The following BCAS3 variants were observed in gnomAD, a reference collection of about 807,000 sequenced individuals.
The protein encoded by BCAS3 is BCAS4/BCAS3 fusion.
A neutral mutation model predicts 116.1 loss-of-function variants in BCAS3; 53 were observed. The observed-to-expected ratio is 0.46, with a 90% CI of 0.37 to 0.57. The LOEUF is 0.57. Among genes scored for constraint, BCAS3 ranks in the 20% least tolerant of loss-of-function variants. The pLI is 0.00. For synonymous variants in BCAS3, 391 were observed against 408.2 expected (o/e 0.96, Z 0.51); for missense variants, 917 against 1,165.4 (o/e 0.79, Z 3.10).
intron 19 of BCAS3, among the ~76,000 whole-genome samples, chr17:61,067,740 A>AATATATATAT (rs1334028912): frequency 8.2e-5 from 11 of 133,740 alleles, no homozygotes; most frequent in African/African-American, 3.6e-4. Flanking sequence ...AAAAAAAAAA[A>AATATATATAT]ATATATATAT....
intron 7 of BCAS3, among the ~76,000 whole-genome samples, chr17:60,844,550 G>A (rs898821667): frequency 5.3e-5 from 8 of 152,094 alleles, no homozygotes; most frequent in African/African-American, 1.9e-4. Context: ...TGTCTCTGTA[G>A]AAGTAGAGTT....
At chr17:60,966,641 T>C (rs2061677039) in intron 14 of BCAS3, among the ~76,000 whole-genome samples, 1 of 151,268 alleles carries the variant, frequency 6.6e-6, no homozygotes, top group African/African-American at 2.4e-5. Flanking sequence ...AAAAAATTTA[T>C]ACTTTTACTC....
chr17:61,366,510 T>G lies in BCAS3; in HGVS notation c.2426-1817T>G, dbSNP rs1344079765. ...GGAGTTGTTGCCAAGGGTGGTTGAG[T>G]GTTGGCTCTGAGCTTGGCACTGCCA... On this transcript the variant is annotated intron_variant, in intron 22 of 23. Transcript: ENST00000407086. This position sits in a 1 kb window ranked among gnomAD's most constrained non-coding sequence, Gnocchi z 4.5. Among the ~76,000 whole-genome samples the G allele has an allele frequency of 1.3e-5, 2 of 152,158 alleles. No individual in the cohort carries two copies. Among genetic ancestry groups the G allele is most frequent in the East Asian group, 3.9e-4 (2 of 5,186 alleles).
intron 4 of BCAS3, among the ~76,000 whole-genome samples, chr17:60,703,887 C>T (rs2036757687): frequency 6.8e-6 from 1 of 146,622 alleles, no homozygotes; most frequent in African/African-American, 2.5e-5. Context: ...GCACTCCAGC[C>T]GCCTGGGCAA....
chr17:61,279,968 G>C lies in BCAS3; in HGVS notation c.2426-88359G>C, dbSNP rs1021184618. Among the ~76,000 whole-genome samples the C allele has an allele frequency of 2.0e-5, 3 of 151,942 alleles. No individual in the cohort carries two copies. Among genetic ancestry groups the C allele is most frequent in the Admixed American group, 2.0e-4 (3 of 15,248 alleles). On this transcript the variant is annotated intron_variant, in intron 22 of 23. Transcript: ENST00000407086. The surrounding 1 kb of genome is among the most constrained non-coding windows in gnomAD (Gnocchi z 4.4). ...TGAGTCTACATTAACTCTTTGTTTA[G>C]CTTGGCTCCAGAACCATAAGTACTT...
chr17:61,086,080 A>G (rs1469419811), intron 22 of BCAS3, among the ~76,000 whole-genome samples: 2 of 151,856 alleles, frequency 1.3e-5, no homozygotes, highest in African/African-American at 2.4e-5. Flanking sequence ...AACACTCCAT[A>G]TATATATATT....
At chr17:61,109,283 TTGTGTGTG>T (rs113547904) in intron 22 of BCAS3, among the ~76,000 whole-genome samples, 10 of 145,430 alleles carry the variant, frequency 6.9e-5, no homozygotes, top group African/African-American at 1.3e-4. Flanking sequence ...AGTATTCCAT[TTGTGTGTG>T]TGTGTGTGTG....
Position 61,265,664 on chromosome 17 carries a change from C to T in BCAS3, c.2426-102663C>T, listed in dbSNP as rs900060859. Among the ~76,000 whole-genome samples, 2 of 149,158 alleles carry T rather than the reference C, an allele frequency of 1.3e-5. No homozygotes were observed. Among genetic ancestry groups the T allele is most frequent in the Non-Finnish European group, 3.0e-5 (2 of 67,486 alleles). On this transcript the variant is annotated intron_variant, in intron 22 of 23. Coordinates refer to ENST00000407086, the MANE Select transcript of BCAS3 (RefSeq NM_017679.5). This position sits in a 1 kb window ranked among gnomAD's most constrained non-coding sequence, Gnocchi z 4.3. ...GCTCACTTGATAAAGAAATGAATTT[C>T]AGGATTTAACTATGTAACACCATCA...
intron 22 of BCAS3, among the ~76,000 whole-genome samples, chr17:61,129,199 C>T (rs995548770): frequency 1.1e-4 from 17 of 152,198 alleles, no homozygotes; most frequent in African/African-American, 4.1e-4. Flanking sequence ...AGAGATCTTA[C>T]AGGCAATTTT....
At chr17:61,225,983 A>C (rs1164476916) in intron 22 of BCAS3, among the ~76,000 whole-genome samples, 2 of 152,218 alleles carry the variant, frequency 1.3e-5, no homozygotes, top group African/African-American at 2.4e-5. Flanking sequence ...GTTTATGATT[A>C]TACTTTTGTA....
chr17:60,709,320 A>C lies in BCAS3; in HGVS notation c.316A>C (p.Ile106Leu). 6.3e-7 allele frequency: 1 copy of C among 1,577,702 alleles called. No individual in the cohort carries two copies. The highest frequency in any genetic ancestry group is 8.7e-7 in the Non-Finnish European group (1 of 1,147,190). Reference protein sequence around the residue: ...GYSDGMQVWSIPISGEAQELF... With the variant: ...GYSDGMQVWSLPISGEAQELF... The stretch of plus-strand genomic sequence containing the variant: ...CAGTGATGGAATGCAGGTCTGGAGC[A>C]TCCCTGTAAGTACACATGTGGTTGA... The change falls in exon 5 of 24, where the codon ATC becomes CTC. Residue 106 changes from isoleucine to leucine, a missense_variant. Physicochemically the swap from Ile to Leu is conservative, Grantham distance 5. Transcript: ENST00000407086.
chr17:61,263,300 A>G (rs1488517334), intron 22 of BCAS3, among the ~76,000 whole-genome samples: 1 of 152,224 alleles, frequency 6.6e-6, no homozygotes, highest in Non-Finnish European at 1.5e-5. Context: ...CAGAACCCAG[A>G]CAGTGCTCTA....
intron 5 of BCAS3, among the ~76,000 whole-genome samples, chr17:60,711,172 G>A (rs2037878834): frequency 6.7e-6 from 1 of 149,212 alleles, no homozygotes. Context: ...TTTTAACTTG[G>A]CTTTACTTTG....
intron 22 of BCAS3, among the ~76,000 whole-genome samples, chr17:61,086,334 C>T (rs1382300388): frequency 6.6e-6 from 1 of 152,180 alleles, no homozygotes; most frequent in African/African-American, 2.4e-5. Context: ...CTCAGGTGAT[C>T]CACCTGCCTC....
At chr17:61,031,804 G>A (rs1389056417) in intron 16 of BCAS3, among the ~76,000 whole-genome samples, 2 of 151,792 alleles carry the variant, frequency 1.3e-5, no homozygotes, top group East Asian at 3.9e-4. Flanking sequence ...CCTATCAGAG[G>A]AAAAAAGAAA....
chr17:60,793,220 C>T (rs1230879817), intron 6 of BCAS3, among the ~76,000 whole-genome samples: 2 of 152,102 alleles, frequency 1.3e-5, no homozygotes, highest in Admixed American at 1.3e-4. Context: ...CCTCAGCCTC[C>T]CGAGTAGCTG....
At chr17:60,966,304 AT>A (rs2061657527) in intron 14 of BCAS3, among the ~76,000 whole-genome samples, 1 of 152,162 alleles carries the variant, frequency 6.6e-6, no homozygotes, top group African/African-American at 2.4e-5. Flanking sequence ...TTTTAGTTGG[AT>A]AATCGAGACC....
At chr17:60,952,779 C>T (rs1214738890) in intron 14 of BCAS3, among the ~76,000 whole-genome samples, 4 of 152,020 alleles carry the variant, frequency 2.6e-5, no homozygotes, top group Non-Finnish European at 5.9e-5. Context: ...CCATCTTCCA[C>T]CCTCAAGGAG....
chr17:60,917,720 A>G (rs1042311963), intron 12 of BCAS3, among the ~76,000 whole-genome samples: 7 of 152,006 alleles, frequency 4.6e-5, no homozygotes, highest in Non-Finnish European at 8.8e-5. Context: ...CAGCCTCCCA[A>G]GTAGCTGGAT....
Sources: gnomAD v4.1 joint callset for allele counts (sites outside exome capture counted in the v4.1 genomes callset) on GRCh38, gnomAD v4.1.1 for gene constraint, Gnocchi (gnomAD v3.1) non-coding constraint, MANE v1.5 for transcripts, NCBI Gene and HGNC (gene_info 2026-07-23, HGNC 2026-07-21) for gene names.